RPS28: variants seen among roughly 807,000 people sequenced by gnomAD.
RPS28 encodes small ribosomal subunit protein eS28.
Under a neutral mutation model 9.4 loss-of-function variants are expected in RPS28, and 2 were observed. The observed-to-expected ratio is 0.21, with a 90% confidence interval of 0.09 to 0.67. The LOEUF (loss-of-function observed/expected upper bound fraction) is 0.67, where lower values mean the gene tolerates loss of function less well. Ranked by LOEUF, RPS28 falls within the 30% of genes least tolerant of loss-of-function variation. The pLI is 0.82. For missense variants in RPS28, 35 were observed against 95.3 expected (o/e 0.37, Z 2.63); for synonymous variants, 41 against 37.8 (o/e 1.08, Z -0.31).
Position 8,322,521 on chromosome 19 carries a change from C to G in RPS28, c.*266C>G, listed in dbSNP as rs948014139. Reference sequence around the variant, plus strand: ...TGCGGTCTTGCCAAACGAAGCTTTTCCTTTTTGAGGCGGGGGGTCGTGTTT... The same window carrying G: ...TGCGGTCTTGCCAAACGAAGCTTTTGCTTTTTGAGGCGGGGGGTCGTGTTT... On this transcript the variant is annotated 3_prime_UTR_variant, in exon 4 of 4. Coordinates refer to ENST00000600659, the MANE Select transcript of RPS28 (RefSeq NM_001031.5). 2.0e-6 allele frequency: 1 copy of G among 490,508 alleles called. No individual in the cohort carries two copies. The highest frequency in any genetic ancestry group is 2.0e-5 in the African/African-American group (1 of 51,252). 30.4% of individuals were successfully genotyped at this position (490,508 alleles called of 1,614,324 possible).
At position 8,322,722 on chromosome 19, in the gene RPS28, C is replaced by T. The variant is rs982096337; in HGVS notation, c.*467C>T. The T allele has an allele frequency of 4.0e-6, 3 of 756,416 alleles. No individual in the cohort carries two copies. The highest frequency in any genetic ancestry group is 2.9e-5 in the Admixed American group (1 of 34,656). The allele number at this position is 756,416 out of a possible 1,614,324, so 46.9% of individuals were successfully genotyped here. On this transcript the variant is annotated 3_prime_UTR_variant, in exon 4 of 4. Coordinates refer to ENST00000600659, the MANE Select transcript of RPS28 (RefSeq NM_001031.5). ...TCACCCCAACTGAAATTGCCTTTCT[C>T]TTCGGCCAGTGTTAGCCTCTGAGCA...
In RPS28 at chr19:8,322,874, A is replaced by G. The variant is rs1238597598; in HGVS notation, c.*619A>G. The stretch of plus-strand genomic sequence containing the variant: ...TGGGGGTTCTCTCCATTGTCACCGC[A>G]TTCTCCTTCACCAGGTGTGGCTGTC... On this transcript the variant is annotated 3_prime_UTR_variant, in exon 4 of 4. Coordinates refer to ENST00000600659, the MANE Select transcript of RPS28 (RefSeq NM_001031.5). The G allele has an allele frequency of 1.3e-6, 2 of 1,588,046 alleles. No homozygotes were observed. Among genetic ancestry groups the G allele is most frequent in the African/African-American group, 1.4e-5 (1 of 73,742 alleles).
In RPS28 at chr19:8,323,294, G is replaced by A. The variant is rs534662279; in HGVS notation, c.*1039G>A. 1.7e-4 allele frequency: 28 copies of A among 169,214 alleles called. No homozygotes were observed. The highest frequency in any genetic ancestry group is 3.4e-4 in the Non-Finnish European group (27 of 78,758). 10.5% of individuals were successfully genotyped at this position (169,214 alleles called of 1,614,324 possible). A position where few individuals can be genotyped will look rare whatever the true frequency, so the allele number is the denominator to read the frequency against. Reference sequence around the variant, plus strand: ...GTAGTTGGGGAAACTCGTCTAACACGAAGCCTGTTTTAATAAAGTATTGAA... The same window carrying A: ...GTAGTTGGGGAAACTCGTCTAACACAAAGCCTGTTTTAATAAAGTATTGAA... On this transcript the variant is annotated 3_prime_UTR_variant, in exon 4 of 4. Transcript: ENST00000600659.
intron 1 of RPS28, 32 bp from the exon 2 acceptor site, chr19:8,321,624 G>A (rs1295612956): frequency 1.5e-5 from 23 of 1,559,826 alleles, no homozygotes; most frequent in Non-Finnish European, 2.0e-5. Flanking sequence ...GAGCCAAACG[G>A]GCCGGGTCTG....
In RPS28 at chr19:8,322,850, G is replaced by A. The variant is rs770600414; in HGVS notation, c.*595G>A. The A allele has an allele frequency of 1.2e-6, 2 of 1,601,668 alleles. No individual in the cohort carries two copies. The highest frequency in any genetic ancestry group is 1.7e-5 in the Admixed American group (1 of 57,466). On this transcript the variant is annotated 3_prime_UTR_variant, in exon 4 of 4. Coordinates refer to ENST00000600659, the MANE Select transcript of RPS28 (RefSeq NM_001031.5). ...CCAGACGAGGCAGCTTACTGAACCT[G>A]GGGGTTCTCTCCATTGTCACCGCAT...
rs1374252712 is a variant in RPS28 at position 8,321,511 on chromosome 19, A to AC, written c.-18dup. On this transcript the variant is annotated 5_prime_UTR_variant, in exon 1 of 4. Transcript: ENST00000600659. ...GAAGCACGTGACTCCTCTCCGCCAGACCGCCGCCGCGCCGCCATCATGGAC... is the reference window on the plus strand; with the variant it reads ...GAAGCACGTGACTCCTCTCCGCCAGACCCGCCGCCGCGCCGCCATCATGGAC... 1.3e-6 allele frequency: 2 copies of AC among 1,575,068 alleles called. No homozygotes were observed. Among genetic ancestry groups the AC allele is most frequent in the Non-Finnish European group, 1.7e-6 (2 of 1,162,092 alleles).
Position 8,322,903 on chromosome 19 carries a change from G to C in RPS28, c.*648G>C. The stretch of plus-strand genomic sequence containing the variant: ...TCCTTCACCAGGTGTGGCTGTCTGG[G>C]AGCCAGGGGGTGACTCGCTCTGGAG... On this transcript the variant is annotated 3_prime_UTR_variant, in exon 4 of 4. Transcript: ENST00000600659. The C allele has an allele frequency of 6.5e-7, 1 of 1,548,820 alleles. No individual in the cohort carries two copies. The highest frequency in any genetic ancestry group is 8.7e-7 in the Non-Finnish European group (1 of 1,147,648).
Position 8,322,435 on chromosome 19 carries a change from C to T in RPS28, c.*180C>T. 1 of 539,874 alleles carries T rather than the reference C, an allele frequency of 1.9e-6. No individual in the cohort carries two copies. Among genetic ancestry groups the T allele is most frequent in the South Asian group, 1.5e-5 (1 of 65,130 alleles). 33.4% of individuals were successfully genotyped at this position (539,874 alleles called of 1,614,324 possible). ...CTGGGTTATACGACTAGGGTTTCTC[C>T]AGGTTTCTTGAGTGGCTCCCAGGCG... On this transcript the variant is annotated 3_prime_UTR_variant, in exon 4 of 4. Coordinates refer to ENST00000600659, the MANE Select transcript of RPS28 (RefSeq NM_001031.5).
intron 2 of RPS28, 89 bp from the exon 3 acceptor site, chr19:8,321,864 G>C (rs1970322328): frequency 6.4e-7 from 1 of 1,560,892 alleles, no homozygotes; most frequent in Non-Finnish European, 8.7e-7. Flanking sequence ...GCCCCGACAC[G>C]TTCTCTGAAT....
Position 8,322,631 on chromosome 19 carries a change from C to T in RPS28, c.*376C>T. Reference sequence around the variant, plus strand: ...AAGAAGTTTCAGAGAGTGGGTGGATCAGGGCTCTATCACTTGGTCCCCACC... The same window carrying T: ...AAGAAGTTTCAGAGAGTGGGTGGATTAGGGCTCTATCACTTGGTCCCCACC... On this transcript the variant is annotated 3_prime_UTR_variant, in exon 4 of 4. Transcript: ENST00000600659. The T allele has an allele frequency of 1.7e-6, 1 of 593,100 alleles. No homozygotes were observed. The allele number at this position is 593,100 out of a possible 1,614,324, so 36.7% of individuals were successfully genotyped here.
rs1304041346 is a variant in RPS28, at chr19:8,322,345, C to G, written c.*90C>G. Reference sequence around the variant, plus strand: ...ACAGTCTGCTCCTTTTTTTTGTCCGCCACACGTAACTGAGATGCTCCTTTA... The same window carrying G: ...ACAGTCTGCTCCTTTTTTTTGTCCGGCACACGTAACTGAGATGCTCCTTTA... On this transcript the variant is annotated 3_prime_UTR_variant, in exon 4 of 4. Coordinates refer to ENST00000600659, the MANE Select transcript of RPS28 (RefSeq NM_001031.5). The G allele has an allele frequency of 2.8e-5, 18 of 635,614 alleles. No individual in the cohort carries two copies. 39.4% of individuals were successfully genotyped at this position (635,614 alleles called of 1,614,324 possible). A position where few individuals can be genotyped will look rare whatever the true frequency, so the allele number is the denominator to read the frequency against.
chr19:8,322,877 C>A lies in RPS28; in HGVS notation c.*622C>A. 1 of 1,585,234 alleles carries A rather than the reference C, an allele frequency of 6.3e-7. No homozygotes were observed. Among genetic ancestry groups the A allele is most frequent in the Admixed American group, 1.8e-5 (1 of 55,300 alleles). ...GGGTTCTCTCCATTGTCACCGCATT[C>A]TCCTTCACCAGGTGTGGCTGTCTGG... On this transcript the variant is annotated 3_prime_UTR_variant, in exon 4 of 4. Transcript: ENST00000600659.
rs1211965841 is a variant in RPS28, at chr19:8,323,049, A to G, written c.*794A>G. Reference sequence around the variant, plus strand: ...ACCCAGGCTGCCTGGTTTGTATCCAACCTCTGCCCCTTCTGACCTGGAAGA... The same window carrying G: ...ACCCAGGCTGCCTGGTTTGTATCCAGCCTCTGCCCCTTCTGACCTGGAAGA... On this transcript the variant is annotated 3_prime_UTR_variant, in exon 4 of 4. Transcript: ENST00000600659. 2 of 536,552 alleles carry G rather than the reference A, an allele frequency of 3.7e-6. No individual in the cohort carries two copies. The highest frequency in any genetic ancestry group is 6.4e-6 in the Non-Finnish European group (2 of 311,294). The allele number at this position is 536,552 out of a possible 1,614,324, so 33.2% of individuals were successfully genotyped here. A position where few individuals can be genotyped will look rare whatever the true frequency, so the allele number is the denominator to read the frequency against.
In RPS28 at chr19:8,322,963, T is replaced by G; in HGVS notation, c.*708T>G. ...AAGAGGGGGGCCTGCTGCAATCTCC[T>G]TGAGGCAGGAAACGTGGGATTCAGC... is the stretch of plus-strand genomic sequence containing the variant. On this transcript the variant is annotated 3_prime_UTR_variant, in exon 4 of 4. Transcript: ENST00000600659. The G allele has an allele frequency of 8.6e-7, 1 of 1,157,304 alleles. No individual in the cohort carries two copies. Among genetic ancestry groups the G allele is most frequent in the Non-Finnish European group, 1.2e-6 (1 of 829,492 alleles). The allele number at this position is 1,157,304 out of a possible 1,614,324, so 71.7% of individuals were successfully genotyped here. A position where few individuals can be genotyped will look rare whatever the true frequency, so the allele number is the denominator to read the frequency against.
rs1568568185 is a variant in RPS28 at position 8,322,998 on chromosome 19, A to C, written c.*743A>C. On this transcript the variant is annotated 3_prime_UTR_variant, in exon 4 of 4. Coordinates refer to ENST00000600659, the MANE Select transcript of RPS28 (RefSeq NM_001031.5). ...AAACGTGGGATTCAGCCCCAGCCTC[A>C]CTTAGTGGAGGTTCTTTTACCATGG... is the stretch of plus-strand genomic sequence containing the variant. 3 of 828,938 alleles carry C rather than the reference A, an allele frequency of 3.6e-6. No individual in the cohort carries two copies. The highest frequency in any genetic ancestry group is 5.5e-6 in the Non-Finnish European group (3 of 549,320). The allele number at this position is 828,938 out of a possible 1,614,324, so 51.3% of individuals were successfully genotyped here.
Position 8,322,568 on chromosome 19 carries a change from A to G in RPS28, c.*313A>G, listed in dbSNP as rs1203806719. ...GTTTGTCGATTGCACCCTCTACCCC[A>G]AACAAAACACAAGCGTAGTAGGAAT... On this transcript the variant is annotated 3_prime_UTR_variant, in exon 4 of 4. Transcript: ENST00000600659. The G allele has an allele frequency of 5.7e-6, 3 of 524,238 alleles. No individual in the cohort carries two copies. The Admixed American group carries it at 9.5e-5, about 17-fold the overall frequency. The allele number at this position is 524,238 out of a possible 1,614,324, so 32.5% of individuals were successfully genotyped here. A position where few individuals can be genotyped will look rare whatever the true frequency, so the allele number is the denominator to read the frequency against.
In RPS28 at chr19:8,323,226, C is replaced by T. The variant is rs1027295096; in HGVS notation, c.*971C>T. 4.5e-6 allele frequency: 1 copy of T among 220,038 alleles called. No homozygotes were observed. The highest frequency in any genetic ancestry group is 2.3e-5 in the African/African-American group (1 of 43,770). 13.6% of individuals were successfully genotyped at this position (220,038 alleles called of 1,614,324 possible). On this transcript the variant is annotated 3_prime_UTR_variant, in exon 4 of 4. Transcript: ENST00000600659. ...ACACCTAATCTCCCAAACATCACAGCTTAGCATGGTCCATCTTAAGCTTGT... is the reference window on the plus strand; with the variant it reads ...ACACCTAATCTCCCAAACATCACAGTTTAGCATGGTCCATCTTAAGCTTGT...
rs1219423527 is a variant in RPS28 at position 8,322,474 on chromosome 19, CGCACTCTGGAAATCCTG to C, written c.*222_*238del. The C allele has an allele frequency of 1.9e-6, 1 of 521,370 alleles. No homozygotes were observed. The highest frequency in any genetic ancestry group is 1.9e-5 in the African/African-American group (1 of 52,170). The allele number at this position is 521,370 out of a possible 1,614,324, so 32.3% of individuals were successfully genotyped here. On this transcript the variant is annotated 3_prime_UTR_variant, in exon 4 of 4. Coordinates refer to ENST00000600659, the MANE Select transcript of RPS28 (RefSeq NM_001031.5). Reference sequence around the variant, plus strand: ...GGCTCCCAGGCGGTCACCGATCCTCCGCACTCTGGAAATCCTGGCCGTGCGGTCTTGCCAAACGAAGC... The same window carrying C: ...GGCTCCCAGGCGGTCACCGATCCTCCGCCGTGCGGTCTTGCCAAACGAAGC...
Position 8,323,035 on chromosome 19 carries a change from C to G in RPS28, c.*780C>G. 1 of 599,906 alleles carries G rather than the reference C, an allele frequency of 1.7e-6. No individual in the cohort carries two copies. The highest frequency in any genetic ancestry group is 2.8e-6 in the Non-Finnish European group (1 of 360,590). 37.2% of individuals were successfully genotyped at this position (599,906 alleles called of 1,614,324 possible). A position where few individuals can be genotyped will look rare whatever the true frequency, so the allele number is the denominator to read the frequency against. On this transcript the variant is annotated 3_prime_UTR_variant, in exon 4 of 4. Coordinates refer to ENST00000600659, the MANE Select transcript of RPS28 (RefSeq NM_001031.5). ...TTCTTTTACCATGGACCCAGGCTGC[C>G]TGGTTTGTATCCAACCTCTGCCCCT...
Sources: allele counts gnomAD v4.1 joint callset, GRCh38; gene constraint gnomAD v4.1.1; transcripts MANE v1.5; gene names NCBI Gene and HGNC (gene_info 2026-07-23, HGNC 2026-07-21).